The following DUS2 variants were observed in gnomAD, a reference collection of about 807,000 sequenced individuals.
DUS2 encodes tRNA-dihydrouridine(20) synthase [NAD(P)+]-like.
In DUS2, 52 loss-of-function variants were observed where a neutral mutation model predicts 71.3. The ratio of observed to expected loss-of-function variants is 0.73; its 90% CI spans 0.58 to 0.92. DUS2 has a LOEUF of 0.92. DUS2 is among the 40% of genes least tolerant of loss of function. The probability of loss-of-function intolerance (pLI) is 0.00; values close to 1 mark genes in which losing one functional copy is unlikely to be tolerated. For missense variants in DUS2, 558 were observed against 622.6 expected, an observed-to-expected ratio of 0.90 and a Z score of 1.10; for synonymous variants, 204 against 227.8, an observed-to-expected ratio of 0.90 and a Z score of 0.94.
chr16:68,028,446 C>T (rs1425499111), intron 2 of DUS2, among the ~76,000 whole-genome samples: 2 of 151,850 alleles, frequency 1.3e-5, no homozygotes, highest in Admixed American at 6.6e-5. Context: ...CCAGTCTGGC[C>T]AACATGGTGA....
chr16:68,063,289 A>C (rs1018447870), intron 8 of DUS2, among the ~76,000 whole-genome samples: 1 of 152,176 alleles, frequency 6.6e-6, no homozygotes, highest in African/African-American at 2.4e-5. Context: ...GCTGGATTCA[A>C]TTCGGGTCCA....
intron 4 of DUS2, among the ~76,000 whole-genome samples, chr16:68,050,920 A>G (rs899312123): frequency 2.6e-5 from 4 of 152,236 alleles, no homozygotes; most frequent in Non-Finnish European, 5.9e-5. Flanking sequence ...TCTTACTGCC[A>G]GTCATGAGCT....
intron 15 of DUS2, chr16:68,078,188 G>T (rs569363909): frequency 1.9e-6 from 1 of 515,772 alleles, no homozygotes; most frequent in South Asian, 2.2e-5. Context: ...GTCAGCAGGA[G>T]GCTCCATAGT....
intron 2 of DUS2, among the ~76,000 whole-genome samples, chr16:68,036,320 C>T (rs2033526695): frequency 6.6e-6 from 1 of 152,062 alleles, no homozygotes; most frequent in African/African-American, 2.4e-5. Flanking sequence ...GTCATCATGC[C>T]CAGCTAATTT....
chr16:68,028,388 C>T (rs1254351323), intron 2 of DUS2, among the ~76,000 whole-genome samples: 8 of 152,114 alleles, frequency 5.3e-5, no homozygotes, highest in African/African-American at 1.9e-4. Flanking sequence ...GTAATCCCAG[C>T]ACTTTGGGAG....
intron 13 of DUS2, among the ~76,000 whole-genome samples, chr16:68,074,708 C>T (rs1341680499): frequency 6.6e-6 from 1 of 152,248 alleles, no homozygotes; most frequent in Non-Finnish European, 1.5e-5. Context: ...CTCCCTCTCA[C>T]GTGAGCTATC....
chr16:68,077,163 G>A (rs1027162844), intron 15 of DUS2, among the ~76,000 whole-genome samples: 2 of 151,670 alleles, frequency 1.3e-5, no homozygotes, highest in Admixed American at 6.6e-5. Flanking sequence ...CTGAGGCAGA[G>A]AACTGCTTAA....
chr16:68,051,295 C>T (rs1567475430), intron 4 of DUS2, among the ~76,000 whole-genome samples: 1 of 152,262 alleles, frequency 6.6e-6, no homozygotes, highest in South Asian at 2.1e-4. Context: ...ACCATTGACC[C>T]TGGGGTAAAC....
At chr16:68,062,105 G>A (rs1469003752) in intron 8 of DUS2, among the ~76,000 whole-genome samples, 1 of 152,088 alleles carries the variant, frequency 6.6e-6, no homozygotes, top group Admixed American at 6.6e-5. Flanking sequence ...CTGCCTCCAG[G>A]TTTCAAGCAA....
At position 68,023,300 on chromosome 16, in the gene DUS2, C is replaced by G; in HGVS notation, c.-150C>G. ...GCGAGGCTCAGTACGGTGTGTGGAG[C>G]TGGAGCACCGTGAGGAAGAAGCGAG... On this transcript the variant is annotated 5_prime_UTR_variant, in exon 1 of 17. Coordinates refer to ENST00000565263, the MANE Select transcript of DUS2 (RefSeq NM_017803.5). The G allele has an allele frequency of 7.3e-7, 1 of 1,367,130 alleles. No individual in the cohort carries two copies. The highest frequency in any genetic ancestry group is 9.9e-7 in the Non-Finnish European group (1 of 1,013,468). The allele number at this position is 1,367,130 out of a possible 1,614,324, so 84.7% of individuals were successfully genotyped here.
At chr16:68,054,324 A>G (rs2033820262) in intron 5 of DUS2, among the ~76,000 whole-genome samples, 1 of 152,230 alleles carries the variant, frequency 6.6e-6, no homozygotes, top group African/African-American at 2.4e-5. Context: ...GTCACTATAA[A>G]ATGTTTTCAA....
At chr16:68,070,075 T>G in intron 10 of DUS2, 59 bp from the exon 11 acceptor site, 1 of 1,486,444 alleles carries the variant, frequency 6.7e-7, no homozygotes, top group South Asian at 1.1e-5. Context: ...GGTAACCCTG[T>G]GTGAGTGGTG....
intron 2 of DUS2, among the ~76,000 whole-genome samples, chr16:68,035,722 G>GTT (rs1289168836): frequency 3.6e-5 from 5 of 137,188 alleles, no homozygotes; most frequent in African/African-American, 1.1e-4. Context: ...TTTTTTTTTG[G>GTT]TTTTTTTTTT....
chr16:68,070,145 A>AGTC lies in DUS2; in HGVS notation c.567_568insTCG (p.Glu189_Arg190insSer). 1 of 1,613,882 alleles carries AGTC rather than the reference A, an allele frequency of 6.2e-7. No homozygotes were observed. Among genetic ancestry groups the AGTC allele is most frequent in the Non-Finnish European group, 8.5e-7 (1 of 1,179,942 alleles). ...TTTCTATCTCCAAGGAAGCGGGAGG[A>AGTC]GCGACCTCAGCATCCTGTCAGCTGT... is the stretch of plus-strand genomic sequence containing the variant. On this transcript the variant is annotated inframe_insertion, in exon 11 of 17. Transcript: ENST00000565263.
rs779701580 is a variant in DUS2, at chr16:68,074,107, C to T, written c.884C>T (p.Ser295Leu). Residue 295 changes from serine (S) to leucine (L), a missense_variant, in exon 13 of 17, where the codon TCG becomes TTG. Coordinates refer to ENST00000565263, the MANE Select transcript of DUS2 (RefSeq NM_017803.5). ...CAGATGCTACGAGAACAGCTGGAGTCGCCCCAGGGAAGGTTGCTCCATGCT... is the reference window on the plus strand; with the variant it reads ...CAGATGCTACGAGAACAGCTGGAGTTGCCCCAGGGAAGGTTGCTCCATGCT... Reference protein sequence around the residue: ...LCQMLREQLESPQGRLLHAAQ... With the variant: ...LCQMLREQLELPQGRLLHAAQ... The T allele has an allele frequency of 1.3e-5, 21 of 1,614,060 alleles. No homozygotes were observed. Among genetic ancestry groups the T allele is most frequent in the African/African-American group, 4.0e-5 (3 of 74,930 alleles).
Position 68,070,115 on chromosome 16 carries a change from C to T in DUS2, c.555-19C>T, listed in dbSNP as rs768387607. 1 of 1,612,614 alleles carries T rather than the reference C, an allele frequency of 6.2e-7. No individual in the cohort carries two copies. Among genetic ancestry groups the T allele is most frequent in the South Asian group, 1.1e-5 (1 of 91,058 alleles). On this transcript the variant is annotated intron_variant, in intron 10 of 16. Transcript: ENST00000565263. Reference sequence around the variant, plus strand: ...GGCTTTTGGTGCTTAGCCCTCAGCCCCATCTTTCTATCTCCAAGGAAGCGG... The same window carrying T: ...GGCTTTTGGTGCTTAGCCCTCAGCCTCATCTTTCTATCTCCAAGGAAGCGG...
At chr16:68,072,756 A>G (rs530304069) in intron 12 of DUS2, among the ~76,000 whole-genome samples, 4 of 152,310 alleles carry the variant, frequency 2.6e-5, no homozygotes, top group African/African-American at 9.6e-5. Flanking sequence ...ACCTTCACCC[A>G]ATACTGCTCT....
At chr16:68,047,120 G>A (rs1434223128) in intron 3 of DUS2, among the ~76,000 whole-genome samples, 1 of 142,640 alleles carries the variant, frequency 7.0e-6, no homozygotes, top group Non-Finnish European at 1.5e-5. Context: ...CAGTGGTGCG[G>A]TCTTGGCTCA....
At chr16:68,068,518 G>A (rs1290976419) in intron 10 of DUS2, among the ~76,000 whole-genome samples, 1 of 151,682 alleles carries the variant, frequency 6.6e-6, no homozygotes, top group African/African-American at 2.4e-5. Context: ...GTTGTCCCAG[G>A]GCTTTTATGA....
Sources: allele counts gnomAD v4.1 joint callset (sites outside exome capture counted in the v4.1 genomes callset), GRCh38; gene constraint gnomAD v4.1.1; transcripts MANE v1.5; gene names NCBI Gene and HGNC (gene_info 2026-07-23, HGNC 2026-07-21).